The following EPHA4 variants were observed in gnomAD, a reference collection of about 807,000 sequenced individuals.
EPHA4 encodes the protein EPH receptor A4.
A neutral mutation model predicts 108.3 loss-of-function variants in EPHA4; 19 were observed. The observed-to-expected ratio is 0.18, with a 90% CI of 0.12 to 0.26. The LOEUF (loss-of-function observed/expected upper bound fraction) is 0.26. Ranked by LOEUF, EPHA4 falls within the 10% of genes least tolerant of loss-of-function variation. EPHA4 has a pLI of 1.00. For missense variants in EPHA4, 917 were observed against 1,254.0 expected, an observed-to-expected ratio of 0.73 and a Z score of 4.06; for synonymous variants, 449 against 455.5, an observed-to-expected ratio of 0.99 and a Z score of 0.18.
intron 11 of EPHA4, among the ~76,000 whole-genome samples, chr2:221,442,338 C>A (rs540152501): frequency 6.6e-6 from 1 of 152,300 alleles, no homozygotes; most frequent in South Asian, 2.1e-4. Flanking sequence ...CCAGGTGTTA[C>A]TGTAAATAGG....
chr2:221,422,720 C>T (rs1264834333), intron 17 of EPHA4, among the ~76,000 whole-genome samples: 1 of 152,182 alleles, frequency 6.6e-6, no homozygotes, highest in Non-Finnish European at 1.5e-5. Context: ...TATGTAGGGT[C>T]ATGAGTTAAG....
At chr2:221,461,741 G>A (rs1293138938) in intron 5 of EPHA4, among the ~76,000 whole-genome samples, 2 of 152,034 alleles carry the variant, frequency 1.3e-5, no homozygotes, top group African/African-American at 2.4e-5. Context: ...AAGAACTATT[G>A]GGAAATTTTT....
chr2:221,482,686 T>C lies in EPHA4; in HGVS notation c.984A>G (p.Pro328=). ...NDAASMPCTR[P]PSAPLNLISN... ...AAATCAAGTTCAGGGGAGCAGATGG[T>C]GGACCTGGAGAAAGAAAACCACATC... The change falls in exon 5 of 18, where the codon CCA becomes CCG. Residue 328 remains proline (P), a synonymous_variant. Coordinates refer to ENST00000281821, the MANE Select transcript of EPHA4 (RefSeq NM_004438.5). The C allele has an allele frequency of 1.3e-6, 2 of 1,590,794 alleles. No homozygotes were observed. Among genetic ancestry groups the C allele is most frequent in the Non-Finnish European group, 1.7e-6 (2 of 1,163,070 alleles).
intron 3 of EPHA4, among the ~76,000 whole-genome samples, chr2:221,527,411 A>C (rs1418060792): frequency 6.6e-6 from 1 of 152,198 alleles, no homozygotes; most frequent in African/African-American, 2.4e-5. Context: ...AAATAGATAC[A>C]GTTCCTCAAA....
chr2:221,487,988 A>G (rs892782037), intron 4 of EPHA4, among the ~76,000 whole-genome samples: 3 of 152,168 alleles, frequency 2.0e-5, no homozygotes, highest in African/African-American at 7.2e-5. Flanking sequence ...TCTTTTGCAC[A>G]GGGGCCGGCA....
At position 221,442,841 on chromosome 2, in the gene EPHA4, C is replaced by T. The variant is rs751025331; in HGVS notation, c.2062G>A (p.Val688Met). 9 of 1,614,160 alleles carry T rather than the reference C, an allele frequency of 5.6e-6. No homozygotes were observed. Among genetic ancestry groups the T allele is most frequent in the South Asian group, 2.2e-5 (2 of 91,074 alleles). The change falls in exon 11 of 18, where the codon GTG becomes ATG. Residue 688 changes from valine to methionine, a missense_variant. This residue lies in a region of EPHA4 where 758 missense variants were observed against 1,076.7 expected (regional missense o/e 0.70). Transcript: ENST00000281821. ...DHPNIIHLEG[V>M]VTKCKPVMII... ...GTGACCCACGTACATTTAGTGACCA[C>T]GCCTTCCAAGTGAATGATGTTCGGA...
At chr2:221,537,822 C>G (rs1245164304) in intron 3 of EPHA4, among the ~76,000 whole-genome samples, 2 of 152,120 alleles carry the variant, frequency 1.3e-5, no homozygotes, top group Admixed American at 6.5e-5. Flanking sequence ...AGAAGAAAGA[C>G]AAAGATGACG....
At chr2:221,499,746 ATATATATATATTTTTT>A (rs1439968607) in intron 4 of EPHA4, among the ~76,000 whole-genome samples, 7 of 48,436 alleles carry the variant, frequency 1.4e-4, no homozygotes, top group African/African-American at 7.9e-4. Context: ...ATATATATAT[ATATATATATATTTTTT>A]TTTTTTTTTT....
At chr2:221,421,373 G>C (rs947933894) in intron 17 of EPHA4, among the ~76,000 whole-genome samples, 3 of 152,086 alleles carry the variant, frequency 2.0e-5, no homozygotes, top group Non-Finnish European at 4.4e-5. Flanking sequence ...TTCTTAACAA[G>C]AGAGTAACTC....
chr2:221,507,306 G>A (rs1354639436), intron 3 of EPHA4, among the ~76,000 whole-genome samples: 1 of 152,060 alleles, frequency 6.6e-6, no homozygotes, highest in Non-Finnish European at 1.5e-5. Flanking sequence ...CTGTCTTACT[G>A]GAAAAGCTGA....
intron 3 of EPHA4, among the ~76,000 whole-genome samples, chr2:221,521,396 T>C (rs2106174261): frequency 6.6e-6 from 1 of 152,270 alleles, no homozygotes; most frequent in Non-Finnish European, 1.5e-5. Flanking sequence ...ACAGTAGAGA[T>C]GCTATAGCCA....
intron 5 of EPHA4, among the ~76,000 whole-genome samples, chr2:221,471,403 T>C (rs1350932757): frequency 3.3e-5 from 5 of 152,168 alleles, no homozygotes; most frequent in Non-Finnish European, 7.3e-5. Context: ...AGGAGTTTAT[T>C]AGAATTGCAT....
In EPHA4 at chr2:221,550,416, GGGGAGAGAGA is replaced by G. The variant is rs757383619; in HGVS notation, c.823+13305_823+13314del. Among the ~76,000 whole-genome samples the G allele has an allele frequency of 6.0e-3, 778 of 130,730 alleles. 7 individuals carry two copies. Among genetic ancestry groups the G allele is most frequent in the African/African-American group, 0.023 (715 of 31,200 alleles). 85.8% of individuals were successfully genotyped at this position (130,730 alleles called of 152,430 possible). ...ATAGTACCAAAACCTGATGAGGAAA[GGGGAGAGAGA>G]GAGAGAGAGAGAGAGAGAGAGAGAG... is the stretch of plus-strand genomic sequence containing the variant. On this transcript the variant is annotated intron_variant, in intron 3 of 17. Transcript: ENST00000281821.
chr2:221,423,612 A>T (rs1288115573), intron 17 of EPHA4, among the ~76,000 whole-genome samples: 1 of 152,204 alleles, frequency 6.6e-6, no homozygotes, highest in Non-Finnish European at 1.5e-5. Flanking sequence ...TCATTTACAG[A>T]AATACCTGCT....
chr2:221,486,067 G>A (rs773771154), intron 4 of EPHA4, among the ~76,000 whole-genome samples: 9 of 152,132 alleles, frequency 5.9e-5, no homozygotes, highest in African/African-American at 2.2e-4. Flanking sequence ...CAGAGTGATT[G>A]CCTTTGTCAT....
chr2:221,466,459 T>G (rs1691316672), intron 5 of EPHA4, among the ~76,000 whole-genome samples: 1 of 152,130 alleles, frequency 6.6e-6, no homozygotes, highest in South Asian at 2.1e-4. Flanking sequence ...CTCTCTGAAG[T>G]AGTTATAATG....
intron 5 of EPHA4, among the ~76,000 whole-genome samples, chr2:221,465,783 C>T (rs1332324316): frequency 6.6e-6 from 1 of 152,144 alleles, no homozygotes; most frequent in South Asian, 2.1e-4. Flanking sequence ...CAACTGGATG[C>T]GATTTCAGCA....
intron 3 of EPHA4, among the ~76,000 whole-genome samples, chr2:221,551,372 G>A (rs888260280): frequency 6.6e-6 from 1 of 152,092 alleles, no homozygotes; most frequent in South Asian, 2.1e-4. Flanking sequence ...ACTATCTCTT[G>A]TAGAAGTCAA....
chr2:221,459,084 G>A (rs888608514), intron 5 of EPHA4, among the ~76,000 whole-genome samples: 2 of 152,078 alleles, frequency 1.3e-5, no homozygotes, highest in African/African-American at 4.8e-5. Context: ...GATAAAAAGT[G>A]AAATACATTG....
Sources: gnomAD v4.1 joint callset for allele counts (sites outside exome capture counted in the v4.1 genomes callset) on GRCh38, gnomAD v4.1.1 for gene constraint, gnomAD v4.1.1 regional missense constraint, MANE v1.5 for transcripts, NCBI Gene and HGNC (gene_info 2026-07-23, HGNC 2026-07-21) for gene names.